Variants in A2ML1 observed in about 807,000 individuals in gnomAD.
The protein encoded by A2ML1 is alpha-2-macroglobulin-like protein 1.
A neutral mutation model predicts 181.9 loss-of-function variants in A2ML1; 161 were observed. The ratio of observed to expected loss-of-function variants is 0.89; its 90% CI spans 0.78 to 1.01. The LOEUF is 1.01. A2ML1 is among the 50% of genes least tolerant of loss of function. The pLI is 0.00. For missense variants in A2ML1, 1,670 were observed against 1,768.1 expected, an observed-to-expected ratio of 0.94 and a Z score of 1.00; for synonymous variants, 663 against 666.8, an observed-to-expected ratio of 0.99 and a Z score of 0.09.
In A2ML1 at chr12:8,868,321, C is replaced by T. The variant is rs753841404; in HGVS notation, c.4025C>T (p.Thr1342Ile). Reference protein sequence around the residue: ...EIGKARCEQPTSPRSLTLTIH... With the variant: ...EIGKARCEQPISPRSLTLTIH... ...GGAAAAGCTAGATGTGAGCAACCGA[C>T]TTCACCTCGATCCTTGACTCTCACT... Residue 1342 changes from threonine (T) to isoleucine (I), a missense_variant, in exon 31 of 36, where the codon ACT (threonine) becomes ATT (isoleucine). Physicochemically the swap from Thr to Ile is moderately conservative, Grantham distance 89. Coordinates refer to ENST00000299698, the MANE Select transcript of A2ML1 (RefSeq NM_144670.6). The T allele has an allele frequency of 1.7e-4, 279 of 1,613,564 alleles. No individual in the cohort carries two copies. The South Asian group carries it at 2.8e-3, about 16-fold the overall frequency.
chr12:8,860,901 C>A lies in A2ML1; in HGVS notation c.3285C>A (p.Val1095=), dbSNP rs763310518. The change falls in exon 27 of 36, where the codon GTC becomes GTA. Residue 1095 remains valine, a synonymous_variant. Coordinates refer to ENST00000299698, the MANE Select transcript of A2ML1 (RefSeq NM_144670.6). Reference sequence around the variant, plus strand: ...TCTAGGGTGGTGTTGATGATGAGGTCTCCTTGACTGCGTATGTCACAGCTG... The same window carrying A: ...TCTAGGGTGGTGTTGATGATGAGGTATCCTTGACTGCGTATGTCACAGCTG... ...TAMKGGVDDE[V]SLTAYVTAAL... The A allele has an allele frequency of 6.2e-7, 1 of 1,613,948 alleles. No individual in the cohort carries two copies. The highest frequency in any genetic ancestry group is 1.3e-5 in the African/African-American group (1 of 74,854).
In A2ML1 at chr12:8,829,796, A is replaced by C. The variant is rs1297392301; in HGVS notation, c.462+17A>C. ...AATGACAAGGTGAGTTGGGAGGAGG[A>C]GAAGGAGTGGCGCAGGGAGAACAGG... is the stretch of plus-strand genomic sequence containing the variant. On this transcript the variant is annotated intron_variant, in intron 4 of 35. Coordinates refer to ENST00000299698, the MANE Select transcript of A2ML1 (RefSeq NM_144670.6). 1 of 1,613,622 alleles carries C rather than the reference A, an allele frequency of 6.2e-7. No homozygotes were observed. Among genetic ancestry groups the C allele is most frequent in the East Asian group, 2.2e-5 (1 of 44,864 alleles).
At chr12:8,860,804 G>T in intron 26 of A2ML1, 77 bp from the exon 27 acceptor site, 1 of 1,194,564 alleles carries the variant, frequency 8.4e-7, no homozygotes, top group Non-Finnish European at 1.2e-6. Flanking sequence ...CAGAGGGGAG[G>T]CTGTTTTGCA....
At chr12:8,849,427 A>G (rs1943812608) in intron 16 of A2ML1, among the ~76,000 whole-genome samples, 1 of 152,222 alleles carries the variant, frequency 6.6e-6, no homozygotes, top group South Asian at 2.1e-4. Flanking sequence ...ATAGCGAATA[A>G]TATTTGGCAG....
chr12:8,858,159 C>A, intron 26 of A2ML1, 57 bp downstream of exon 26: 3 of 1,563,246 alleles, frequency 1.9e-6, no homozygotes, highest in Non-Finnish European at 2.6e-6. Context: ...CCCCACACCT[C>A]TGACCGAGTA....
intron 1 of A2ML1, 40 bp from the exon 2 acceptor site, chr12:8,823,142 G>T: frequency 6.3e-7 from 1 of 1,590,232 alleles, no homozygotes; most frequent in South Asian, 1.1e-5. Context: ...TCGAGTGAAT[G>T]AATCATTATT....
intron 3 of A2ML1, among the ~76,000 whole-genome samples, chr12:8,825,899 T>C (rs1942914090): frequency 6.6e-6 from 1 of 152,064 alleles, no homozygotes; most frequent in African/African-American, 2.4e-5. Context: ...CAAAAATGAG[T>C]TCACCCTAGA....
At chr12:8,880,473 T>C (rs1378665781), downstream of A2ML1, 1 of 152,116 alleles carries the variant, frequency 6.6e-6, no homozygotes, top group Non-Finnish European at 1.5e-5. Context: ...GGGTAGTGTC[T>C]CCTCAAAGTT....
At chr12:8,879,365 C>T (rs1014581041), downstream of A2ML1, among the ~76,000 whole-genome samples, 2 of 151,952 alleles carry the variant, frequency 1.3e-5, no homozygotes, top group East Asian at 3.9e-4. Context: ...GTGGCATGCG[C>T]CTGTAATCCC....
chr12:8,886,695 A>G (rs769512517), exon 8 of A2ML1: 2 of 152,282 alleles, frequency 1.3e-5, no homozygotes, highest in South Asian at 4.1e-4. Flanking sequence ...ATAGTGGCCT[A>G]TCCTCTGTGA....
At position 8,841,454 on chromosome 12, in the gene A2ML1, A is replaced by G; in HGVS notation, c.1166A>G (p.Gln389Arg). The G allele has an allele frequency of 6.2e-7, 1 of 1,614,158 alleles. No individual in the cohort carries two copies. The highest frequency in any genetic ancestry group is 1.1e-5 in the South Asian group (1 of 91,076). Residue 389 changes from glutamine to arginine, a missense_variant, in exon 11 of 36, where the codon CAG (glutamine) becomes CGG (arginine). Coordinates refer to ENST00000299698, the MANE Select transcript of A2ML1 (RefSeq NM_144670.6). ...VIYGTNGTFN[Q>R]TLVTDNNGLA... is the part of the protein sequence containing the mutation. ...TATGGCACAAATGGAACCTTCAACC[A>G]GACCCTGGTTACTGATAACAATGGC...
At position 8,857,237 on chromosome 12, in the gene A2ML1, C is replaced by T; in HGVS notation, c.2922C>T (p.Asn974=). The part of the protein sequence containing the change: ...VQMPSGCGEQ[N]MVLFAPIIYV... ...TGCCCAGTGGCTGTGGCGAGCAGAACATGGTCTTGTTTGCTCCCATCATCT... is the reference window on the plus strand; with the variant it reads ...TGCCCAGTGGCTGTGGCGAGCAGAATATGGTCTTGTTTGCTCCCATCATCT... The change falls in exon 24 of 36, where the codon AAC becomes AAT. Residue 974 remains asparagine (N), a synonymous_variant. Coordinates refer to ENST00000299698, the MANE Select transcript of A2ML1 (RefSeq NM_144670.6). 1 of 1,613,390 alleles carries T rather than the reference C, an allele frequency of 6.2e-7. No individual in the cohort carries two copies.
In A2ML1 at chr12:8,847,665, G is replaced by T. The variant is rs772022449; in HGVS notation, c.1800G>T (p.Leu600=). ...GGGCGGTGGATGAGAGTGTCTTACT[G>T]CTTAGGCCAGACAGAGAGCTGAGCA... ...ALRAVDESVL[L]LRPDRELSNR... is the part of the protein sequence containing the mutation. The change falls in exon 15 of 36, where the codon CTG becomes CTT. Residue 600 remains leucine (L), a synonymous_variant. Coordinates refer to ENST00000299698, the MANE Select transcript of A2ML1 (RefSeq NM_144670.6). 1.2e-6 allele frequency: 2 copies of T among 1,613,660 alleles called. No individual in the cohort carries two copies. Among genetic ancestry groups the T allele is most frequent in the Non-Finnish European group, 1.7e-6 (2 of 1,179,830 alleles).
chr12:8,850,087 C>A, intron 17 of A2ML1, 73 bp from the exon 18 acceptor site: 1 of 1,171,264 alleles, frequency 8.5e-7, no homozygotes, highest in Non-Finnish European at 1.2e-6. Context: ...TTCTAGTAAT[C>A]CCTCCATCCC....
intron 18 of A2ML1, among the ~76,000 whole-genome samples, 189 bp downstream of exon 18, chr12:8,850,463 C>T (rs757251731): frequency 2.2e-4 from 33 of 152,174 alleles, no homozygotes; most frequent in Non-Finnish European, 3.8e-4. Flanking sequence ...TTGTGTCCTA[C>T]TTGGAAGGCT....
chr12:8,830,788 G>A (rs1440485951), intron 4 of A2ML1: 1 of 152,100 alleles, frequency 6.6e-6, no homozygotes, highest in Non-Finnish European at 1.5e-5. Flanking sequence ...CAGAGCTGCT[G>A]TTTCCTTTCC....
intron 3 of A2ML1, among the ~76,000 whole-genome samples, chr12:8,829,203 G>A (rs1943029933): frequency 6.6e-6 from 1 of 152,186 alleles, no homozygotes; most frequent in South Asian, 2.1e-4. Context: ...GATGAGGAGG[G>A]TGGTCAATGG....
chr12:8,831,184 C>A (rs12823255), intron 4 of A2ML1, among the ~76,000 whole-genome samples: 114,253 of 151,966 alleles, frequency 0.75, 44,336 homozygotes, highest in East Asian at 0.98. Context: ...CGGTCTTGAG[C>A]TCCTGGCCTC....
downstream of A2ML1, among the ~76,000 whole-genome samples, chr12:8,878,457 A>G (rs568499108): frequency 6.6e-6 from 1 of 152,340 alleles, no homozygotes; most frequent in Middle Eastern, 3.4e-3. The surrounding 1 kb of genome is among the most constrained non-coding windows in gnomAD (Gnocchi z 4.4). Flanking sequence ...TGTTGTACAC[A>G]TAGACACAAA....
Sources: gnomAD v4.1 joint callset for allele counts (sites outside exome capture counted in the v4.1 genomes callset) on GRCh38, gnomAD v4.1.1 for gene constraint, Gnocchi (gnomAD v3.1) non-coding constraint, MANE v1.5 for transcripts, NCBI Gene and HGNC (gene_info 2026-07-23, HGNC 2026-07-21) for gene names.